SH3TC2: variants seen among roughly 807,000 people sequenced by gnomAD.
SH3TC2 encodes SH3 domain and tetratricopeptide repeat-containing protein 2.
SH3TC2 carries 87 observed loss-of-function variants against 124.5 expected under a neutral mutation model. That is an observed-to-expected ratio of 0.70 (90% CI 0.59 to 0.84). The LOEUF is 0.84. Ranked by LOEUF, SH3TC2 falls within the 40% of genes least tolerant of loss-of-function variation. The pLI is 0.00. For missense variants in SH3TC2, 1,536 were observed against 1,566.4 expected, an observed-to-expected ratio of 0.98 and a Z score of 0.33; for synonymous variants, 634 against 628.5, an observed-to-expected ratio of 1.01 and a Z score of -0.13.
intron 1 of SH3TC2, among the ~76,000 whole-genome samples, chr5:149,062,653 G>T (rs548907944): frequency 3.3e-5 from 5 of 152,318 alleles, no homozygotes; most frequent in Admixed American, 2.0e-4. Context: ...CCTGTCCTGG[G>T]GGGATCTCGG....
chr5:149,017,334 A>G (rs1029116097), intron 12 of SH3TC2, among the ~76,000 whole-genome samples: 2 of 152,184 alleles, frequency 1.3e-5, no homozygotes, highest in Non-Finnish European at 2.9e-5. Flanking sequence ...AAGACAGAAG[A>G]CAAGACTCCC....
intron 2 of SH3TC2, among the ~76,000 whole-genome samples, chr5:149,051,937 AG>A (rs1754564448): frequency 1.3e-5 from 2 of 152,242 alleles, no homozygotes; most frequent in Non-Finnish European, 2.9e-5. Context: ...CAGATTGTGA[AG>A]AGCTTTGAGT....
At chr5:149,029,564 G>GGGGAGTGA (rs969318960) in intron 9 of SH3TC2, among the ~76,000 whole-genome samples, 2 of 152,090 alleles carry the variant, frequency 1.3e-5, no homozygotes, top group Non-Finnish European at 2.9e-5. Flanking sequence ...AAAAGCAGCA[G>GGGGAGTGA]GGGAGTGAGG....
chr5:149,015,339 C>T (rs185054667), intron 12 of SH3TC2, among the ~76,000 whole-genome samples: 4 of 152,320 alleles, frequency 2.6e-5, no homozygotes, highest in African/African-American at 9.6e-5. Context: ...TCACCACTCA[C>T]CCCCATTACT....
intron 13 of SH3TC2, 76 bp from the exon 14 acceptor site, chr5:149,010,468 C>G: frequency 6.3e-7 from 1 of 1,594,640 alleles, no homozygotes; most frequent in South Asian, 1.1e-5. Flanking sequence ...AGAGCTAAGA[C>G]GCAGACCACC....
rs142343134 is a variant in SH3TC2 at position 149,019,617 on chromosome 5, T to C, written c.3054-6883A>G. On this transcript the variant is annotated intron_variant, in intron 12 of 16. Transcript: ENST00000515425. ...GGAATAAAAATTTCCAAAAGTTTAC[T>C]CCTCCATAAAAGCAATGAAAACAGG... is the stretch of plus-strand genomic sequence containing the variant. 2.9e-3 allele frequency among the ~76,000 whole-genome samples: 444 copies of C among 152,340 alleles called. 4 individuals carry two copies. Among genetic ancestry groups the C allele is most frequent in the African/African-American group, 0.01 (421 of 41,588 alleles).
At position 149,038,454 on chromosome 5, in the gene SH3TC2, G is replaced by C; in HGVS notation, c.842C>G (p.Pro281Arg). The C allele has an allele frequency of 6.2e-7, 1 of 1,614,084 alleles. No homozygotes were observed. Among genetic ancestry groups the C allele is most frequent in the South Asian group, 1.1e-5 (1 of 91,080 alleles). The change falls in exon 8 of 17, where the codon CCA becomes CGA. Residue 281 changes from proline (P) to arginine (R), a missense_variant. Pro to Arg is a moderately radical substitution (Grantham distance 103). Transcript: ENST00000515425. ...GRCKALTGYEPGEKDELNFYQ... is the reference protein window; with the variant it reads ...GRCKALTGYERGEKDELNFYQ... The stretch of plus-strand genomic sequence containing the variant: ...GAAATTCAGTTCATCCTTTTCTCCT[G>C]GCTCATAACCCGTCAAGGCCTTACA...
intron 12 of SH3TC2, among the ~76,000 whole-genome samples, chr5:149,025,371 C>G (rs537795049): frequency 6.6e-6 from 1 of 152,166 alleles, no homozygotes; most frequent in African/African-American, 2.4e-5. Flanking sequence ...TATTCCTTAT[C>G]TGATTGTCCA....
At chr5:149,028,767 C>A (rs370552426) in intron 9 of SH3TC2, 49 bp from the exon 10 acceptor site, 413 of 1,594,756 alleles carry the variant, frequency 2.6e-4, no homozygotes, top group Non-Finnish European at 3.4e-4. Flanking sequence ...GATGGGCCAC[C>A]ATGCCCATGC....
Position 148,990,994 on chromosome 5 carries a change from C to A in SH3TC2, c.*13717G>T, listed in dbSNP as rs909896120. Among the ~76,000 whole-genome samples, 4 of 152,120 alleles carry A rather than the reference C, an allele frequency of 2.6e-5. No homozygotes were observed. The highest frequency in any genetic ancestry group is 4.4e-5 in the Non-Finnish European group (3 of 68,026). On this transcript the variant is annotated 3_prime_UTR_variant, in exon 17 of 17. Transcript: ENST00000515425. ...CTGACTCCAAGCCCTGAGGTCCCAG[C>A]CAAGTTCACAAACTTCATTTCCCAA...
intron 13 of SH3TC2, among the ~76,000 whole-genome samples, chr5:149,011,813 A>G (rs1274918910): frequency 6.6e-6 from 1 of 152,198 alleles, no homozygotes; most frequent in East Asian, 1.9e-4. Context: ...TTGTAGAATT[A>G]AACATCTTAC....
chr5:149,012,800 G>A, intron 12 of SH3TC2, 66 bp from the exon 13 acceptor site: 1 of 1,571,762 alleles, frequency 6.4e-7, no homozygotes, highest in Non-Finnish European at 8.7e-7. Context: ...ACTCAGCACA[G>A]GATGAAACAG....
intron 2 of SH3TC2, among the ~76,000 whole-genome samples, chr5:149,050,501 C>G (rs985497676): frequency 6.6e-6 from 1 of 152,088 alleles, no homozygotes; most frequent in African/African-American, 2.4e-5. Flanking sequence ...CTACAGATAC[C>G]CTTTGTTCAC....
At chr5:149,030,005 G>A (rs1200528086) in intron 9 of SH3TC2, among the ~76,000 whole-genome samples, 1 of 152,212 alleles carries the variant, frequency 6.6e-6, no homozygotes, top group Non-Finnish European at 1.5e-5. Context: ...CATCTCCAGA[G>A]ATTGTCATTG....
In SH3TC2 at chr5:148,988,721, G is replaced by A. The variant is rs890627592; in HGVS notation, c.*15990C>T. Among the ~76,000 whole-genome samples the A allele has an allele frequency of 2.0e-5, 3 of 152,244 alleles. No homozygotes were observed. Among genetic ancestry groups the A allele is most frequent in the Non-Finnish European group, 4.4e-5 (3 of 68,046 alleles). On this transcript the variant is annotated 3_prime_UTR_variant, in exon 17 of 17. Transcript: ENST00000515425. ...CCACTATTGGACTGCAACAACAGTA[G>A]AGAACCCAAGCGAGAATTGCCCGGG...
In SH3TC2 at chr5:148,983,629, G is replaced by A. The variant is rs1753287294; in HGVS notation, c.*21082C>T. Among the ~76,000 whole-genome samples, 1 of 152,024 alleles carries A rather than the reference G, an allele frequency of 6.6e-6. No homozygotes were observed. The highest frequency in any genetic ancestry group is 2.4e-5 in the African/African-American group (1 of 41,372). On this transcript the variant is annotated 3_prime_UTR_variant, in exon 17 of 17. Coordinates refer to ENST00000515425, the MANE Select transcript of SH3TC2 (RefSeq NM_024577.4). ...ACAGCAATCTAGCTTCCTATTTTGG[G>A]GTTTCCTTCCCCCTACCCCGCACCC...
intron 1 of SH3TC2, among the ~76,000 whole-genome samples, chr5:149,053,851 C>T (rs1021516324): frequency 4.6e-5 from 7 of 151,920 alleles, no homozygotes; most frequent in African/African-American, 1.7e-4. Flanking sequence ...AACAATTGGA[C>T]TCATGAAGAT....
chr5:149,048,428 T>A (rs1167109876), intron 2 of SH3TC2, among the ~76,000 whole-genome samples: 3 of 152,148 alleles, frequency 2.0e-5, no homozygotes, highest in Non-Finnish European at 2.9e-5. Flanking sequence ...ATATACTTTG[T>A]GCATTACACA....
intron 1 of SH3TC2, among the ~76,000 whole-genome samples, chr5:149,060,069 G>A (rs573941894): frequency 1.6e-4 from 25 of 152,242 alleles, no homozygotes; most frequent in African/African-American, 6.0e-4. Context: ...TTATACTGAT[G>A]ATTCACATTT....
Sources: gnomAD v4.1 joint callset for allele counts (sites outside exome capture counted in the v4.1 genomes callset) on GRCh38, gnomAD v4.1.1 for gene constraint, MANE v1.5 for transcripts, NCBI Gene and HGNC (gene_info 2026-07-23, HGNC 2026-07-21) for gene names.